The following PGR variants were observed in gnomAD, a reference collection of about 807,000 sequenced individuals.
The protein encoded by PGR is progesterone receptor, also known as nuclear receptor subfamily 3 group C member 3.
A neutral mutation model predicts 76.1 loss-of-function variants in PGR; 25 were observed. That is an observed-to-expected ratio of 0.33 (90% CI 0.24 to 0.46). The LOEUF is 0.46. Among genes scored for constraint, PGR ranks in the 20% least tolerant of loss-of-function variants. PGR has a pLI of 1.00. For synonymous variants in PGR, 579 were observed against 535.0 expected (o/e 1.08, Z -1.14); for missense variants, 1,172 against 1,225.3 (o/e 0.96, Z 0.65).
intron 3 of PGR, among the ~76,000 whole-genome samples, chr11:101,076,121 T>C (rs1168986235): frequency 6.6e-6 from 1 of 152,160 alleles, no homozygotes; most frequent in Non-Finnish European, 1.5e-5. Flanking sequence ...ATATACACCA[T>C]GCAATAACAT....
chr11:101,035,235 GA>G lies in PGR; in HGVS notation c.*3880del, dbSNP rs934969377. ...ACAAAAATAGAGTATCTTTAAATTT[GA>G]AAAAAAATGTATGTTTTGGCAAGTT... On this transcript the variant is annotated 3_prime_UTR_variant, in exon 8 of 8. Coordinates refer to ENST00000325455, the MANE Select transcript of PGR (RefSeq NM_000926.4). 2.7e-5 allele frequency: 6 copies of G among 222,214 alleles called. No homozygotes were observed. Among genetic ancestry groups the G allele is most frequent in the Non-Finnish European group, 4.5e-5 (5 of 111,398 alleles). 13.8% of individuals were successfully genotyped at this position (222,214 alleles called of 1,614,324 possible). A position where few individuals can be genotyped will look rare whatever the true frequency, so the allele number is the denominator to read the frequency against.
chr11:101,115,582 G>A (rs1028845114), intron 2 of PGR, among the ~76,000 whole-genome samples: 3 of 152,042 alleles, frequency 2.0e-5, no homozygotes, highest in African/African-American at 7.2e-5. Context: ...GAGCAACCTG[G>A]CCAACATGGT....
intron 2 of PGR, among the ~76,000 whole-genome samples, chr11:101,120,163 T>C (rs996248507): frequency 6.6e-6 from 1 of 152,246 alleles, no homozygotes; most frequent in Non-Finnish European, 1.5e-5. Context: ...GCATAACTTG[T>C]ATCAAGGTAT....
At position 101,128,257 on chromosome 11, in the gene PGR, C is replaced by T. The variant is rs548732553; in HGVS notation, c.814G>A (p.Asp272Asn). ...ACCCTGGGCGCTGAGAAGCGGGAATCTTCCTTGGGGACCAGGGCGACGCCT... is the reference window on the plus strand; with the variant it reads ...ACCCTGGGCGCTGAGAAGCGGGAATTTTCCTTGGGGACCAGGGCGACGCCT... Reference protein sequence around the residue: ...AGGVALVPKEDSRFSAPRVAL... With the variant: ...AGGVALVPKENSRFSAPRVAL... The change falls in exon 1 of 8, where the codon GAT becomes AAT. Residue 272 changes from aspartate to asparagine, a missense_variant. Transcript: ENST00000325455. 1 of 1,594,896 alleles carries T rather than the reference C, an allele frequency of 6.3e-7. No individual in the cohort carries two copies. The highest frequency in any genetic ancestry group is 1.1e-5 in the South Asian group (1 of 90,432).
chr11:101,128,565 C>A lies in PGR; in HGVS notation c.506G>T (p.Gly169Val). ...CCCGGAGCTGTCTCCAACCTTGCAC[C>A]CGGACCGGCTCATGAGCGGGGACAA... ...RVLSPLMSRS[G>V]CKVGDSSGTA... Residue 169 changes from glycine to valine, a missense_variant, in exon 1 of 8, where the codon GGG (glycine) becomes GTG (valine). Around this residue, in one of 4 missense-constraint regions of PGR, gnomAD observed 893 missense variants for 785.9 expected, o/e 1.14. Coordinates refer to ENST00000325455, the MANE Select transcript of PGR (RefSeq NM_000926.4). 1 of 1,598,672 alleles carries A rather than the reference C, an allele frequency of 6.3e-7. No individual in the cohort carries two copies. The highest frequency in any genetic ancestry group is 8.5e-7 in the Non-Finnish European group (1 of 1,175,484).
chr11:101,120,300 G>A (rs971581721), intron 2 of PGR, among the ~76,000 whole-genome samples: 1 of 152,148 alleles, frequency 6.6e-6, no homozygotes, highest in African/African-American at 2.4e-5. Context: ...ACTTTTAAAT[G>A]TAGGATCAAT....
At chr11:101,121,764 G>T (rs1862684370) in intron 2 of PGR, among the ~76,000 whole-genome samples, 2 of 152,184 alleles carry the variant, frequency 1.3e-5, no homozygotes, top group South Asian at 4.2e-4. Flanking sequence ...GTTTTACTGT[G>T]GTTTCACCAG....
chr11:101,065,638 G>A (rs1369238217), intron 3 of PGR, among the ~76,000 whole-genome samples: 3 of 152,126 alleles, frequency 2.0e-5, no homozygotes, highest in Non-Finnish European at 4.4e-5. Context: ...ACGACACCTG[G>A]TATTTTGGGT....
At chr11:101,087,920 C>T (rs1039395642) in intron 3 of PGR, among the ~76,000 whole-genome samples, 5 of 152,078 alleles carry the variant, frequency 3.3e-5, no homozygotes, top group Non-Finnish European at 5.9e-5. Context: ...ATTAAAAACT[C>T]ATGCCAGGCA....
chr11:101,116,005 G>T (rs962318439), intron 2 of PGR, among the ~76,000 whole-genome samples: 1 of 152,184 alleles, frequency 6.6e-6, no homozygotes, highest in South Asian at 2.1e-4. Flanking sequence ...TATTTATGCA[G>T]CAAAATGTAC....
intron 2 of PGR, among the ~76,000 whole-genome samples, chr11:101,116,749 A>G (rs1404762056): frequency 6.6e-6 from 1 of 151,496 alleles, no homozygotes; most frequent in Non-Finnish European, 1.5e-5. Flanking sequence ...CAAAAAAAAA[A>G]AAAAAAAAAA....
intron 5 of PGR, chr11:101,050,960 T>G (rs937207825): frequency 4.0e-6 from 1 of 249,074 alleles, no homozygotes; most frequent in African/African-American, 2.3e-5. Context: ...ATGAAAAGAT[T>G]CTTATTCAGT....
At chr11:101,114,959 G>A (rs1862456784) in intron 2 of PGR, among the ~76,000 whole-genome samples, 3 of 152,096 alleles carry the variant, frequency 2.0e-5, no homozygotes, top group South Asian at 2.1e-4. Flanking sequence ...ACCCCATTGT[G>A]CATTCCACAT....
intron 3 of PGR, among the ~76,000 whole-genome samples, chr11:101,067,873 G>GA (rs948289491): frequency 2.0e-5 from 3 of 151,616 alleles, no homozygotes; most frequent in Admixed American, 1.3e-4. Context: ...CTATGGAGTA[G>GA]AAAAAAACAT....
chr11:101,037,064 CTA>C lies in PGR; in HGVS notation c.*2050_*2051del, dbSNP rs1384307151. The C allele has an allele frequency of 1.0e-5, 2 of 191,110 alleles. No homozygotes were observed. Among genetic ancestry groups the C allele is most frequent in the Non-Finnish European group, 2.2e-5 (2 of 91,272 alleles). The allele number at this position is 191,110 out of a possible 1,614,324, so 11.8% of individuals were successfully genotyped here. ...TCTCACAGAGGTAGATTTCCTGTAA[CTA>C]TTATATTTGGGAGATGTTAAAAATA... On this transcript the variant is annotated 3_prime_UTR_variant, in exon 8 of 8. Transcript: ENST00000325455.
intron 3 of PGR, among the ~76,000 whole-genome samples, chr11:101,067,639 C>A (rs1860765205): frequency 6.6e-6 from 1 of 151,916 alleles, no homozygotes; most frequent in Non-Finnish European, 1.5e-5. Context: ...CATGAACCAC[C>A]AGAATACATG....
At chr11:101,113,913 A>G (rs1862421038) in intron 2 of PGR, among the ~76,000 whole-genome samples, 1 of 152,094 alleles carries the variant, frequency 6.6e-6, no homozygotes, top group Non-Finnish European at 1.5e-5. Flanking sequence ...CTATTAAAAT[A>G]GTACATAGAG....
At chr11:101,106,485 T>C (rs899480284) in intron 2 of PGR, among the ~76,000 whole-genome samples, 30 of 152,276 alleles carry the variant, frequency 2.0e-4, no homozygotes, top group Admixed American at 1.2e-3. Context: ...CACTAGTCAT[T>C]AGAGAAATGC....
intron 3 of PGR, among the ~76,000 whole-genome samples, chr11:101,077,507 A>G (rs1181019052): frequency 2.0e-5 from 3 of 152,186 alleles, no homozygotes; most frequent in Admixed American, 2.0e-4. Context: ...ATATGTCTTA[A>G]TCATTCAAAT....
Sources: gnomAD v4.1 joint callset for allele counts (sites outside exome capture counted in the v4.1 genomes callset) on GRCh38, gnomAD v4.1.1 for gene constraint, gnomAD v4.1.1 regional missense constraint, MANE v1.5 for transcripts, NCBI Gene and HGNC (gene_info 2026-07-23, HGNC 2026-07-21) for gene names.